The following MAF variants were observed in gnomAD, a reference collection of about 807,000 sequenced individuals.
MAF encodes the protein transcription factor Maf.
Under a neutral mutation model 22.0 loss-of-function variants are expected in MAF, and 10 were observed. The ratio of observed to expected loss-of-function variants is 0.45; its 90% confidence interval spans 0.28 to 0.77. The LOEUF is 0.77. Among genes scored for constraint, MAF ranks in the 30% least tolerant of loss-of-function variants. The probability of loss-of-function intolerance (pLI) is 0.12; values close to 1 mark genes in which losing one functional copy is unlikely to be tolerated. For missense variants in MAF, 544 were observed against 548.4 expected, an observed-to-expected ratio of 0.99 and a Z score of 0.08; for synonymous variants, 337 against 255.8, an observed-to-expected ratio of 1.32 and a Z score of -3.03.
chr16:79,583,325 G>A (rs554427259), downstream of MAF, among the ~76,000 whole-genome samples: 21 of 152,182 alleles, frequency 1.4e-4, no homozygotes, highest in Non-Finnish European at 2.9e-4. Flanking sequence ...GGTGTAATCA[G>A]GGTAAACGAT....
At chr16:79,325,871 T>G in the MAF span, among the ~76,000 whole-genome samples, 1 of 152,118 alleles carries the variant, frequency 6.6e-6, no homozygotes, top group East Asian at 1.9e-4. Context: ...ACGGCCCCAG[T>G]CTAGGCAAAT....
At chr16:79,377,209 C>A in the MAF span, among the ~76,000 whole-genome samples, 7 of 152,218 alleles carry the variant, frequency 4.6e-5, no homozygotes, top group South Asian at 1.4e-3. Context: ...TTTTAATGAT[C>A]CCCATTCTAA....
At chr16:79,543,283 G>C in the MAF span, among the ~76,000 whole-genome samples, 233 of 152,332 alleles carry the variant, frequency 1.5e-3, no homozygotes, top group Middle Eastern at 6.8e-3. Flanking sequence ...AGTGTAGCTA[G>C]AATGGGATTT....
the MAF span, among the ~76,000 whole-genome samples, chr16:79,521,125 G>A: frequency 4.6e-5 from 7 of 152,174 alleles, no homozygotes; most frequent in Non-Finnish European, 7.3e-5. Context: ...GCGCTTAGAC[G>A]TTGTTGAGGA....
chr16:79,285,950 C>T, the MAF span, among the ~76,000 whole-genome samples: 75 of 152,314 alleles, frequency 4.9e-4, no homozygotes, highest in African/African-American at 1.6e-3. Context: ...TATTTAGGGA[C>T]GATGACTCAG....
At chr16:79,490,935 G>A in the MAF span, among the ~76,000 whole-genome samples, 75 of 152,284 alleles carry the variant, frequency 4.9e-4, no homozygotes, top group Non-Finnish European at 6.3e-4. Flanking sequence ...CTGGCATTAT[G>A]ATCAGATGAG....
chr16:79,486,923 T>A, the MAF span, among the ~76,000 whole-genome samples: 4 of 152,198 alleles, frequency 2.6e-5, no homozygotes, highest in African/African-American at 9.6e-5. Flanking sequence ...CAAGGTGGAT[T>A]TTGAGTAGAC....
At chr16:79,319,812 T>C in the MAF span, among the ~76,000 whole-genome samples, 2 of 152,204 alleles carry the variant, frequency 1.3e-5, no homozygotes, top group Non-Finnish European at 2.9e-5. Context: ...AGAGAAACAA[T>C]GACCACATAG....
the MAF span, among the ~76,000 whole-genome samples, chr16:79,343,970 A>T: frequency 1.3e-5 from 2 of 152,178 alleles, no homozygotes; most frequent in African/African-American, 4.8e-5. Flanking sequence ...AAACTTTGAA[A>T]TGTTCCTATC....
chr16:79,293,703 G>C, the MAF span, among the ~76,000 whole-genome samples: 1 of 152,108 alleles, frequency 6.6e-6, no homozygotes, highest in African/African-American at 2.4e-5. Flanking sequence ...TGTTCACCTA[G>C]TAGAAATTGT....
At chr16:79,226,927 T>C in the MAF span, among the ~76,000 whole-genome samples, 5 of 152,008 alleles carry the variant, frequency 3.3e-5, no homozygotes, top group African/African-American at 4.8e-5. Context: ...TGAGTTGACA[T>C]ACTGACAGAA....
At chr16:79,477,504 G>A in the MAF span, among the ~76,000 whole-genome samples, 1 of 152,168 alleles carries the variant, frequency 6.6e-6, no homozygotes, top group Non-Finnish European at 1.5e-5. Context: ...TGTGTTCACA[G>A]TAGGAGAGGA....
At chr16:79,242,087 C>T in the MAF span, among the ~76,000 whole-genome samples, 1 of 152,060 alleles carries the variant, frequency 6.6e-6, no homozygotes, top group Admixed American at 6.6e-5. Flanking sequence ...AATGCAAAAA[C>T]ATACCAAATT....
At chr16:79,299,928 G>A in the MAF span, among the ~76,000 whole-genome samples, 1 of 152,178 alleles carries the variant, frequency 6.6e-6, no homozygotes, top group African/African-American at 2.4e-5. Context: ...GGCAAACAGG[G>A]CTTTCTGACC....
At chr16:79,386,675 G>A in the MAF span, among the ~76,000 whole-genome samples, 1 of 152,144 alleles carries the variant, frequency 6.6e-6, no homozygotes, top group Non-Finnish European at 1.5e-5. Context: ...TGTAAAGCAT[G>A]ATGATGTAAA....
At chr16:79,211,742 G>C in the MAF span, 1 of 1,614,214 alleles carries the variant, frequency 6.2e-7, no homozygotes, top group Non-Finnish European at 8.5e-7. Context: ...CCCGGACCCT[G>C]TGGGCGCTCA....
the MAF span, among the ~76,000 whole-genome samples, chr16:79,517,165 G>C: frequency 3.3e-5 from 5 of 152,130 alleles, no homozygotes; most frequent in Admixed American, 3.3e-4. Context: ...TGAGGTCTGA[G>C]TTCTAATCTT....
chr16:79,335,061 T>C, the MAF span, among the ~76,000 whole-genome samples: 1 of 151,736 alleles, frequency 6.6e-6, no homozygotes, highest in Non-Finnish European at 1.5e-5. Flanking sequence ...GGCGTGTGCC[T>C]GTAGTCCCAG....
the MAF span, among the ~76,000 whole-genome samples, chr16:79,565,096 G>A: frequency 3.3e-5 from 5 of 152,044 alleles, no homozygotes; most frequent in Admixed American, 2.0e-4. Context: ...GACTTCTTAC[G>A]GGAGATAACT....
Sources: allele counts gnomAD v4.1 joint callset (sites outside exome capture counted in the v4.1 genomes callset), GRCh38; gene constraint gnomAD v4.1.1; transcripts MANE v1.5; gene names NCBI Gene and HGNC (gene_info 2026-07-23, HGNC 2026-07-21).